ABCF2: variants seen among roughly 807,000 people sequenced by gnomAD.
The protein encoded by ABCF2 is ATP binding cassette subfamily F member 2.
ABCF2 carries 37 observed loss-of-function variants against 76.9 expected under a neutral mutation model. That is an observed-to-expected ratio of 0.48 (90% CI 0.37 to 0.63). The LOEUF is 0.63. Among genes scored for constraint, ABCF2 ranks in the 30% least tolerant of loss-of-function variants. ABCF2 has a pLI of 0.00. For synonymous variants in ABCF2, 299 were observed against 283.7 expected (o/e 1.05, Z -0.54); for missense variants, 524 against 782.1 (o/e 0.67, Z 3.94).
rs1198054259 is a variant in ABCF2, at chr7:151,213,889, G to T, written c.*165C>A. The stretch of plus-strand genomic sequence containing the variant: ...ACAGACAGGTACTGTCCAGCTGTAG[G>T]TAAGAGAGTGCAGCTAAGGCAGGTT... On this transcript the variant is annotated 3_prime_UTR_variant, in exon 15 of 15. Coordinates refer to ENST00000287844, the MANE Select transcript of ABCF2 (RefSeq NM_007189.3). The T allele has an allele frequency of 6.9e-7, 1 of 1,448,784 alleles. No individual in the cohort carries two copies. The highest frequency in any genetic ancestry group is 9.0e-7 in the Non-Finnish European group (1 of 1,108,810). 89.7% of individuals were successfully genotyped at this position (1,448,784 alleles called of 1,614,324 possible).
In ABCF2 at chr7:151,218,160, A is replaced by G; in HGVS notation, c.1259T>C (p.Ile420Thr). ...PCIYNNLEFG[I>T]DLDTRVALVG... ...CAGAGCCACTCGTGTGTCAAGGTCA[A>G]TTCCAAATTCTAGATTATTGTAGAT... is the stretch of plus-strand genomic sequence containing the variant. The change falls in exon 11 of 15, where the codon ATT becomes ACT. Residue 420 changes from isoleucine to threonine, a missense_variant. Ile to Thr is a moderately conservative substitution (Grantham distance 89). Transcript: ENST00000287844. The G allele has an allele frequency of 6.2e-7, 1 of 1,614,062 alleles. No individual in the cohort carries two copies. Among genetic ancestry groups the G allele is most frequent in the Non-Finnish European group, 8.5e-7 (1 of 1,179,892 alleles).
chr7:151,223,528 C>T (rs1802314034), intron 5 of ABCF2, 150 bp downstream of exon 5: 1 of 889,946 alleles, frequency 1.1e-6, no homozygotes, highest in Non-Finnish European at 1.6e-6. Flanking sequence ...CTCTCTAGCC[C>T]ATACACAACA....
chr7:151,213,358 A>T lies in ABCF2; in HGVS notation c.*696T>A, dbSNP rs139773446. On this transcript the variant is annotated 3_prime_UTR_variant, in exon 15 of 15. Transcript: ENST00000287844. ...AGAAAAGGTACAATTTCAAATCAGA[A>T]GTAAAGGGACAAAGTTCTTCCAGCT... is the stretch of plus-strand genomic sequence containing the variant. 51 of 985,402 alleles carry T rather than the reference A, an allele frequency of 5.2e-5. No individual in the cohort carries two copies. In the African/African-American group the frequency reaches 7.8e-4, roughly 15 times the overall value. 61.0% of individuals were successfully genotyped at this position (985,402 alleles called of 1,614,324 possible).
chr7:151,213,388 T>C lies in ABCF2; in HGVS notation c.*666A>G, dbSNP rs1802086589. 16 of 985,370 alleles carry C rather than the reference T, an allele frequency of 1.6e-5. No homozygotes were observed. The highest frequency in any genetic ancestry group is 4.7e-5 in the South Asian group (1 of 21,288). 61.0% of individuals were successfully genotyped at this position (985,370 alleles called of 1,614,324 possible). A position where few individuals can be genotyped will look rare whatever the true frequency, so the allele number is the denominator to read the frequency against. On this transcript the variant is annotated 3_prime_UTR_variant, in exon 15 of 15. Coordinates refer to ENST00000287844, the MANE Select transcript of ABCF2 (RefSeq NM_007189.3). ...AGGGACAAAGTTCTTCCAGCTCCTA[T>C]GGACTAGTCTTCAGTTCCCATCGAC...
rs7782699 is a variant in ABCF2, at chr7:151,218,862, C to T, written c.1029G>A (p.Ala343=). Residue 343 remains alanine, a synonymous_variant, in exon 9 of 15, where the codon GCG becomes GCA. Transcript: ENST00000287844. Reference sequence around the variant, plus strand: ...GCTTGGCACTGCCATGACCAAACCTCGCAATGTAGTTCTAAAAAAGACCAA... The same window carrying T: ...GCTTGGCACTGCCATGACCAAACCTTGCAATGTAGTTCTAAAAAAGACCAA... The part of the protein sequence containing the change: ...DQIAHMKNYI[A]RFGHGSAKLA... The T allele has an allele frequency of 0.11, 171,545 of 1,613,416 alleles. 9,911 individuals are homozygous for T. Among genetic ancestry groups the T allele is most frequent in the Non-Finnish European group, 0.12 (137,308 of 1,179,952 alleles).
Position 151,211,969 on chromosome 7 carries a change from C to T in ABCF2, c.*2085G>A. On this transcript the variant is annotated 3_prime_UTR_variant, in exon 15 of 15. Coordinates refer to ENST00000287844, the MANE Select transcript of ABCF2 (RefSeq NM_007189.3). ...TACTCATTTTTCAAGTGAGAGCACA[C>T]CAATTCCACCTTTCTGGGCAGCTAC... 1.0e-6 allele frequency: 1 copy of T among 983,024 alleles called. No individual in the cohort carries two copies. Among genetic ancestry groups the T allele is most frequent in the Non-Finnish European group, 1.2e-6 (1 of 827,730 alleles). 60.9% of individuals were successfully genotyped at this position (983,024 alleles called of 1,614,324 possible). A position where few individuals can be genotyped will look rare whatever the true frequency, so the allele number is the denominator to read the frequency against.
intron 10 of ABCF2, 81 bp from the exon 11 acceptor site, chr7:151,218,272 C>T (rs1168866679): frequency 3.0e-6 from 3 of 1,015,968 alleles, no homozygotes; most frequent in Non-Finnish European, 4.6e-6. Flanking sequence ...CCGCTGAATT[C>T]CCAGTCACCA....
At position 151,213,490 on chromosome 7, in the gene ABCF2, G is replaced by A. The variant is rs930204175; in HGVS notation, c.*564C>T. On this transcript the variant is annotated 3_prime_UTR_variant, in exon 15 of 15. Transcript: ENST00000287844. ...AGGGAGGAGAAGGCCCCAGAGACCC[G>A]AGAAGGAAGGTAGGGACCGTGGCTT... 9.1e-6 allele frequency: 9 copies of A among 985,676 alleles called. No homozygotes were observed. Among genetic ancestry groups the A allele is most frequent in the Admixed American group, 1.2e-4 (2 of 16,284 alleles). The allele number at this position is 985,676 out of a possible 1,614,324, so 61.1% of individuals were successfully genotyped here.
Position 151,212,753 on chromosome 7 carries a change from G to A in ABCF2, c.*1301C>T, listed in dbSNP as rs1802072791. ...TGATCCTCCTACAGTGGCCTCCCAA[G>A]GTGATGAGCTTACAGTCGGATTACA... On this transcript the variant is annotated 3_prime_UTR_variant, in exon 15 of 15. Coordinates refer to ENST00000287844, the MANE Select transcript of ABCF2 (RefSeq NM_007189.3). 1 of 156,254 alleles carries A rather than the reference G, an allele frequency of 6.4e-6. No homozygotes were observed. The highest frequency in any genetic ancestry group is 2.4e-5 in the African/African-American group (1 of 41,506). The allele number at this position is 156,254 out of a possible 1,614,324, so 9.7% of individuals were successfully genotyped here.
Position 151,211,562 on chromosome 7 carries a change from A to G in ABCF2, c.*2492T>C, listed in dbSNP as rs1459970078. 1 of 985,326 alleles carries G rather than the reference A, an allele frequency of 1.0e-6. No homozygotes were observed. Among genetic ancestry groups the G allele is most frequent in the Non-Finnish European group, 1.2e-6 (1 of 829,802 alleles). 61.0% of individuals were successfully genotyped at this position (985,326 alleles called of 1,614,324 possible). ...AGGTTGACATTTTTCTTGACAAATA[A>G]GCTGACTAGACTATTTCCATTCCTC... On this transcript the variant is annotated 3_prime_UTR_variant, in exon 15 of 15. Transcript: ENST00000287844.
chr7:151,218,005 C>A, intron 11 of ABCF2, 76 bp downstream of exon 11: 1 of 1,113,692 alleles, frequency 9.0e-7, no homozygotes, highest in Non-Finnish European at 1.3e-6. Flanking sequence ...AGTAGTAGCC[C>A]CTGCATCACT....
In ABCF2 at chr7:151,213,090, CTGTGCAGTTGGGGCAGA is replaced by C; in HGVS notation, c.*947_*963del. ...GCATTTTTAACAAGCAGCCCAACTG[CTGTGCAGTTGGGGCAGA>C]ACCTCAGATCACAATCAGAAAACCA... On this transcript the variant is annotated 3_prime_UTR_variant, in exon 15 of 15. Coordinates refer to ENST00000287844, the MANE Select transcript of ABCF2 (RefSeq NM_007189.3). 1 of 985,452 alleles carries C rather than the reference CTGTGCAGTTGGGGCAGA, an allele frequency of 1.0e-6. No individual in the cohort carries two copies. Among genetic ancestry groups the C allele is most frequent in the Non-Finnish European group, 1.2e-6 (1 of 829,962 alleles). The allele number at this position is 985,452 out of a possible 1,614,324, so 61.0% of individuals were successfully genotyped here.
At position 151,215,246 on chromosome 7, in the gene ABCF2, C is replaced by T. The variant is rs979556384; in HGVS notation, c.1531-164G>A. Among the ~76,000 whole-genome samples, 3 of 152,132 alleles carry T rather than the reference C, an allele frequency of 2.0e-5. No individual in the cohort carries two copies. Among genetic ancestry groups the T allele is most frequent in the Non-Finnish European group, 2.9e-5 (2 of 68,038 alleles). On this transcript the variant is annotated intron_variant, in intron 13 of 14. Coordinates refer to ENST00000287844, the MANE Select transcript of ABCF2 (RefSeq NM_007189.3). This position sits in a 1 kb window ranked among gnomAD's most constrained non-coding sequence, Gnocchi z 4.6. Reference sequence around the variant, plus strand: ...TCTTGAGGCCTGAAAGAGACTCATCCGGAAACCTGAAGCCCTTGCCATTAC... The same window carrying T: ...TCTTGAGGCCTGAAAGAGACTCATCTGGAAACCTGAAGCCCTTGCCATTAC...
chr7:151,221,556 G>C (rs763945496), intron 7 of ABCF2, 22 bp downstream of exon 7: 4 of 1,385,222 alleles, frequency 2.9e-6, no homozygotes, highest in Non-Finnish European at 4.1e-6. Context: ...GAGATTACCA[G>C]AAGAAGCCGA....
rs1459144647 is a variant in ABCF2 at position 151,211,768 on chromosome 7, G to C, written c.*2286C>G. On this transcript the variant is annotated 3_prime_UTR_variant, in exon 15 of 15. Coordinates refer to ENST00000287844, the MANE Select transcript of ABCF2 (RefSeq NM_007189.3). Reference sequence around the variant, plus strand: ...CCTGAACCAAGGCTCTGGACTCTCAGGACAGACTAACCTGGGCCATTTTGC... The same window carrying C: ...CCTGAACCAAGGCTCTGGACTCTCACGACAGACTAACCTGGGCCATTTTGC... 1.0e-6 allele frequency: 1 copy of C among 985,280 alleles called. No individual in the cohort carries two copies. The highest frequency in any genetic ancestry group is 1.2e-6 in the Non-Finnish European group (1 of 829,938). 61.0% of individuals were successfully genotyped at this position (985,280 alleles called of 1,614,324 possible).
intron 6 of ABCF2, 47 bp downstream of exon 6, chr7:151,222,474 C>T: frequency 6.7e-7 from 1 of 1,486,928 alleles, no homozygotes; most frequent in Non-Finnish European, 9.4e-7. Flanking sequence ...TTTCTAGATT[C>T]CCCCTTTGGG....
intron 6 of ABCF2, chr7:151,222,108 T>A (rs934843504): frequency 5.4e-6 from 1 of 184,118 alleles, no homozygotes; most frequent in Admixed American, 5.7e-5. Flanking sequence ...TTAAAATTGG[T>A]ACAATATTCC....
intron 5 of ABCF2, 35 bp downstream of exon 5, chr7:151,223,643 G>C (rs770633963): frequency 5.8e-6 from 9 of 1,554,078 alleles, no homozygotes; most frequent in Non-Finnish European, 7.8e-6. Flanking sequence ...AGAGATGGGG[G>C]AGTTATGGGG....
At chr7:151,216,056 G>C (rs867877046) in intron 11 of ABCF2, 27 bp from the exon 12 acceptor site, 26 of 1,604,278 alleles carry the variant, frequency 1.6e-5, no homozygotes, top group Middle Eastern at 3.3e-4. Flanking sequence ...AGAAACGTAA[G>C]CATGAAACAA....
Sources: allele counts gnomAD v4.1 joint callset (sites outside exome capture counted in the v4.1 genomes callset), GRCh38; gene constraint gnomAD v4.1.1; non-coding constraint Gnocchi (gnomAD v3.1); transcripts MANE v1.5; gene names NCBI Gene and HGNC (gene_info 2026-07-23, HGNC 2026-07-21).